Variants in RBFOX3 observed in about 807,000 individuals in gnomAD.
RBFOX3 encodes the protein RNA binding protein fox-1 homolog 3.
RBFOX3 carries 17 observed loss-of-function variants against 48.7 expected under a neutral mutation model. That is an observed-to-expected ratio of 0.35 (90% CI 0.24 to 0.52). RBFOX3 has a LOEUF of 0.52. Among genes scored for constraint, RBFOX3 ranks in the 20% least tolerant of loss-of-function variants. The pLI is 0.94. For synonymous variants in RBFOX3, 212 were observed against 209.5 expected, an observed-to-expected ratio of 1.01 and a Z score of -0.10; for missense variants, 382 against 497.5, an observed-to-expected ratio of 0.77 and a Z score of 2.21.
chr17:79,141,101 C>T (rs745749763), intron 4 of RBFOX3, among the ~76,000 whole-genome samples: 4 of 152,168 alleles, frequency 2.6e-5, no homozygotes, highest in Non-Finnish European at 5.9e-5. Flanking sequence ...GCCTGGTAAA[C>T]GGGGATGCAC....
rs1205744216 is a variant in RBFOX3 at position 79,254,868 on chromosome 17, C to G, written c.-73-19063G>C. On this transcript the variant is annotated intron_variant, in intron 3 of 14. Transcript: ENST00000693108. The surrounding 1 kb of genome is among the most constrained non-coding windows in gnomAD (Gnocchi z 4.8). ...TGGCTATCACCATGGGCTGGACTCT[C>G]TAAGGACAACGTGGGGCTTCAGGCT... Among the ~76,000 whole-genome samples, 2 of 152,164 alleles carry G rather than the reference C, an allele frequency of 1.3e-5. No homozygotes were observed. Among genetic ancestry groups the G allele is most frequent in the African/African-American group, 4.8e-5 (2 of 41,430 alleles).
At chr17:79,475,356 T>C (rs1424992653) in intron 2 of RBFOX3, among the ~76,000 whole-genome samples, 2 of 152,152 alleles carry the variant, frequency 1.3e-5, no homozygotes, top group African/African-American at 4.8e-5. Flanking sequence ...GGGATGGTTC[T>C]TTTCCAGAGC....
At chr17:79,374,886 TCC>T (rs2059023839) in intron 2 of RBFOX3, among the ~76,000 whole-genome samples, 1 of 152,166 alleles carries the variant, frequency 6.6e-6, no homozygotes, top group African/African-American at 2.4e-5. Flanking sequence ...CCAGGCAACA[TCC>T]ACAGCCCTTG....
At chr17:79,562,670 G>A (rs1351952356) in intron 1 of RBFOX3, among the ~76,000 whole-genome samples, 31 of 152,208 alleles carry the variant, frequency 2.0e-4, no homozygotes, top group African/African-American at 7.0e-4. Flanking sequence ...CCGCTTCGGT[G>A]TCTGGGGGCG....
chr17:79,179,617 TA>T (rs1205026438), intron 4 of RBFOX3, among the ~76,000 whole-genome samples: 1 of 151,782 alleles, frequency 6.6e-6, no homozygotes, highest in African/African-American at 2.4e-5. Context: ...TAGGATGGAA[TA>T]AGATTCTCTT....
chr17:79,277,300 GGGA>G lies in RBFOX3; in HGVS notation c.-74+30421_-74+30423del, dbSNP rs1379108647. Among the ~76,000 whole-genome samples the G allele has an allele frequency of 4.0e-4, 34 of 84,362 alleles. 2 individuals are homozygous for G. Among genetic ancestry groups the G allele is most frequent in the African/African-American group, 6.0e-4 (13 of 21,782 alleles). 55.3% of individuals were successfully genotyped at this position (84,362 alleles called of 152,430 possible). ...AAGGCCTCCAAGGATTCCAATGGTG[GGGA>G]GGGGGGGGGTAGTGCTGCTCGACTG... On this transcript the variant is annotated intron_variant, in intron 3 of 14. Coordinates refer to ENST00000693108, the MANE Select transcript of RBFOX3 (RefSeq NM_001350451.2).
chr17:79,658,637 T>G, the RBFOX3 span, among the ~76,000 whole-genome samples: 1 of 151,834 alleles, frequency 6.6e-6, no homozygotes, highest in Non-Finnish European at 1.5e-5. Context: ...AGAGCTAAGA[T>G]GCAAATGGTC....
chr17:79,132,709 G>A (rs1020755834), intron 4 of RBFOX3: 21 of 152,254 alleles, frequency 1.4e-4, no homozygotes, highest in African/African-American at 3.6e-4. Flanking sequence ...GCTGCTCACT[G>A]GCCCTCCCCT....
chr17:79,125,361 T>C (rs535212434), intron 4 of RBFOX3, among the ~76,000 whole-genome samples: 1 of 152,210 alleles, frequency 6.6e-6, no homozygotes, highest in Middle Eastern at 3.2e-3. Context: ...CAATGACTCA[T>C]CTGCCTGGAG....
chr17:79,558,625 G>A (rs1037063671), intron 1 of RBFOX3, among the ~76,000 whole-genome samples: 2,000 of 152,256 alleles, frequency 0.013, 49 homozygotes, highest in African/African-American at 0.047. Context: ...CACTGCTTGA[G>A]AGGAAACCAA....
chr17:79,424,306 G>A (rs1023886618), intron 2 of RBFOX3, among the ~76,000 whole-genome samples: 2 of 152,280 alleles, frequency 1.3e-5, no homozygotes, highest in Admixed American at 6.5e-5. Context: ...AGGGGTGAGC[G>A]TCTCTCCCTC....
intron 5 of RBFOX3, among the ~76,000 whole-genome samples, chr17:79,114,290 G>A (rs986617225): frequency 6.6e-6 from 1 of 152,194 alleles, no homozygotes; most frequent in Non-Finnish European, 1.5e-5. Context: ...CCTGGGGCCT[G>A]GCCTTTTCCA....
At chr17:79,575,497 C>A (rs2092829274) in intron 1 of RBFOX3, among the ~76,000 whole-genome samples, 1 of 152,170 alleles carries the variant, frequency 6.6e-6, no homozygotes. Flanking sequence ...CTCCATCTTC[C>A]AAAAGCCACG....
chr17:79,329,679 G>T (rs1452077323), intron 2 of RBFOX3, among the ~76,000 whole-genome samples: 3 of 152,082 alleles, frequency 2.0e-5, no homozygotes, highest in African/African-American at 7.2e-5. Context: ...CCCCACCCCG[G>T]CCTAATGGCC....
chr17:79,123,826 C>T (rs573995727), intron 4 of RBFOX3, among the ~76,000 whole-genome samples: 32 of 152,298 alleles, frequency 2.1e-4, no homozygotes, highest in South Asian at 6.2e-4. Context: ...CAGGTGGGGA[C>T]GTGCAGGAAA....
At chr17:79,114,220 C>T (rs995542658) in intron 5 of RBFOX3, among the ~76,000 whole-genome samples, 10 of 152,252 alleles carry the variant, frequency 6.6e-5, no homozygotes, top group East Asian at 3.9e-4. Flanking sequence ...ACACACAGGG[C>T]GTGGGTTTGA....
chr17:79,656,012 C>G, the RBFOX3 span, among the ~76,000 whole-genome samples: 1 of 152,170 alleles, frequency 6.6e-6, no homozygotes. Context: ...GCAGGGACCC[C>G]GAGGGAAGCT....
rs1437139940 is a variant in RBFOX3, at chr17:79,407,288, G to A, written c.-175+75166C>T. Among the ~76,000 whole-genome samples the A allele has an allele frequency of 3.3e-5, 5 of 152,384 alleles. No individual in the cohort carries two copies. In the East Asian group the frequency reaches 9.6e-4, roughly 29 times the overall value. On this transcript the variant is annotated intron_variant, in intron 2 of 14. Transcript: ENST00000693108. Reference sequence around the variant, plus strand: ...CTCCCAAAGTGCCGGGATTACAGGCGTGAGCCACCTTGCCTGCCCTGTTTG... The same window carrying A: ...CTCCCAAAGTGCCGGGATTACAGGCATGAGCCACCTTGCCTGCCCTGTTTG...
intron 3 of RBFOX3, among the ~76,000 whole-genome samples, chr17:79,261,529 C>A (rs1045871083): frequency 2.6e-5 from 4 of 152,222 alleles, no homozygotes; most frequent in Non-Finnish European, 4.4e-5. Flanking sequence ...CAGGCCTGTG[C>A]GGCTCTCTCT....
Sources: allele counts gnomAD v4.1 joint callset (sites outside exome capture counted in the v4.1 genomes callset), GRCh38; gene constraint gnomAD v4.1.1; non-coding constraint Gnocchi (gnomAD v3.1); transcripts MANE v1.5; gene names NCBI Gene and HGNC (gene_info 2026-07-23, HGNC 2026-07-21).